GPSM1: variants seen among roughly 807,000 people sequenced by gnomAD.
GPSM1 encodes the protein G protein-signaling modulator 1.
GPSM1 carries 48 observed loss-of-function variants against 70.5 expected under a neutral mutation model. The ratio of observed to expected loss-of-function variants is 0.68; its 90% CI spans 0.54 to 0.87. GPSM1 has a LOEUF of 0.87. Ranked by LOEUF, GPSM1 falls within the 40% of genes least tolerant of loss-of-function variation. The probability of loss-of-function intolerance (pLI) is 0.00; values close to 1 mark genes in which losing one functional copy is unlikely to be tolerated. For missense variants in GPSM1, 981 were observed against 972.6 expected (o/e 1.01, Z -0.11); for synonymous variants, 416 against 430.1 (o/e 0.97, Z 0.41).
intron 11 of GPSM1, among the ~76,000 whole-genome samples, chr9:136,351,650 A>G (rs1447682652): frequency 6.6e-6 from 1 of 151,716 alleles, no homozygotes; most frequent in Non-Finnish European, 1.5e-5. Flanking sequence ...CTGGCCCAGC[A>G]CTCTGGAGGC....
At chr9:136,345,386 G>A (rs2131405591) in intron 9 of GPSM1, among the ~76,000 whole-genome samples, 3 of 152,342 alleles carry the variant, frequency 2.0e-5, no homozygotes, top group Admixed American at 2.0e-4. Flanking sequence ...CAAGGGCGCT[G>A]GACTCACACT....
chr9:136,332,601 T>A (rs540430260), intron 1 of GPSM1, among the ~76,000 whole-genome samples: 6 of 152,234 alleles, frequency 3.9e-5, no homozygotes, highest in Non-Finnish European at 8.8e-5. Flanking sequence ...TGGGCCTTAA[T>A]CAGGAAGCCC....
chr9:136,349,619 C>G lies in GPSM1; in HGVS notation c.1311C>G (p.Asp437Glu). The change falls in exon 11 of 14, where the codon GAC (aspartate) becomes GAG (glutamate). Residue 437 changes from aspartate to glutamate, a missense_variant. By Grantham distance (45) the Asp-to-Glu change is conservative. Coordinates refer to ENST00000440944, the MANE Select transcript of GPSM1 (RefSeq NM_001145638.3). ...EQNGDSHHSG[D>E]WRGPSRDSLP... ...ATGGAGACAGCCACCATTCAGGGGA[C>G]TGGCGGGGGCCCAGCAGGGACTCGC... 1 of 1,549,350 alleles carries G rather than the reference C, an allele frequency of 6.5e-7. No individual in the cohort carries two copies. Among genetic ancestry groups the G allele is most frequent in the African/African-American group, 1.4e-5 (1 of 73,172 alleles).
In GPSM1 at chr9:136,336,108, G is replaced by T. The variant is rs1554769196; in HGVS notation, c.426+7G>T. The T allele has an allele frequency of 3.1e-6, 5 of 1,609,086 alleles. No homozygotes were observed. In the Admixed American group the frequency reaches 6.7e-5, roughly 21 times the overall value. ...CCAAGAGCAGGGAGACAAGGTGGGG[G>T]CTTGGTCCGGGGCTGGGTGTCTCCC... On this transcript the variant is annotated splice_region_variant and intron_variant, in intron 3 of 13. Transcript: ENST00000440944.
At position 136,356,504 on chromosome 9, in the gene GPSM1, C is replaced by T. The variant is rs1554773207; in HGVS notation, c.1775C>T (p.Pro592Leu). Residue 592 changes from proline (P) to leucine (L), a missense_variant, in exon 13 of 14, where the codon CCC becomes CTC. By Grantham distance (98) the Pro-to-Leu change is moderately conservative. Transcript: ENST00000440944. ...GGGCACCTCCGAGGCCACGGCGAGC[C>T]CCAGGAGCCGGGGGACGACTTCTTC... is the stretch of plus-strand genomic sequence containing the variant. ...NAGHLRGHGE[P>L]QEPGDDFFNM... 2 of 1,611,914 alleles carry T rather than the reference C, an allele frequency of 1.2e-6. No individual in the cohort carries two copies. The highest frequency in any genetic ancestry group is 1.1e-5 in the South Asian group (1 of 91,044).
In GPSM1 at chr9:136,358,060, C is replaced by A. The variant is rs1349722871; in HGVS notation, c.1868C>A (p.Pro623His). The part of the protein sequence containing the change: ...DQRCPPPDVL[P>H]RGPTMPDEDF... ...CGCTGCCCGCCACCTGACGTACTGC[C>A]CCGGGGCCCTACCATGCCGGACGAG... The change falls in exon 14 of 14, where the codon CCC (proline) becomes CAC (histidine). Residue 623 changes from proline (P) to histidine (H), a missense_variant. Coordinates refer to ENST00000440944, the MANE Select transcript of GPSM1 (RefSeq NM_001145638.3). 1 of 1,612,728 alleles carries A rather than the reference C, an allele frequency of 6.2e-7. No homozygotes were observed. The highest frequency in any genetic ancestry group is 1.3e-5 in the African/African-American group (1 of 74,916).
chr9:136,335,002 C>G (rs1241200491), intron 2 of GPSM1, among the ~76,000 whole-genome samples: 1 of 152,180 alleles, frequency 6.6e-6, no homozygotes, highest in Non-Finnish European at 1.5e-5. Context: ...TGGAGGGCAG[C>G]CAGGGCTCTG....
At chr9:136,352,962 C>T in intron 11 of GPSM1, 1 of 306,910 alleles carries the variant, frequency 3.3e-6, no homozygotes, top group Non-Finnish European at 4.8e-6. Flanking sequence ...CTCAAGTGAG[C>T]AGGGGCGGGC....
intron 13 of GPSM1, 23 bp from the exon 14 acceptor site, chr9:136,357,991 C>G: frequency 6.2e-7 from 1 of 1,602,996 alleles, no homozygotes; most frequent in Non-Finnish European, 8.5e-7. Context: ...GGTGAGGCCG[C>G]CAACTGCACT....
chr9:136,357,969 TG>T, intron 13 of GPSM1, 44 bp from the exon 14 acceptor site: 1 of 1,497,744 alleles, frequency 6.7e-7, no homozygotes, highest in Non-Finnish European at 9.3e-7. Flanking sequence ...CCCGGACCAC[TG>T]GGGCTGGGGG....
chr9:136,352,092 G>A (rs979692997), intron 11 of GPSM1, among the ~76,000 whole-genome samples: 1 of 150,934 alleles, frequency 6.6e-6, no homozygotes, highest in Admixed American at 6.6e-5. Context: ...ATACTGCGCC[G>A]TTGCTGTTGG....
At position 136,332,011 on chromosome 9, in the gene GPSM1, C is replaced by G. The variant is rs549041547; in HGVS notation, c.69-2436C>G. ...AGGAGGGCCTGGGGCCTGGCGATGC[C>G]ATCCCCTGCTGGGGAGGGCCCGCCT... is the stretch of plus-strand genomic sequence containing the variant. On this transcript the variant is annotated intron_variant, in intron 1 of 13. Transcript: ENST00000440944. 1.5e-5 allele frequency: 6 copies of G among 398,608 alleles called. No individual in the cohort carries two copies. The South Asian group carries it at 7.6e-4, about 51-fold the overall frequency. 24.7% of individuals were successfully genotyped at this position (398,608 alleles called of 1,614,324 possible). A position where few individuals can be genotyped will look rare whatever the true frequency, so the allele number is the denominator to read the frequency against.
In GPSM1 at chr9:136,340,066, TC is replaced by T. The variant is rs1832349243; in HGVS notation, c.1083+252del. The stretch of plus-strand genomic sequence containing the variant: ...TCCTCCTTGGAGAGTTTGCACAGGG[TC>T]TCTGTGGGCTCCGCCCATCAGCGCC... On this transcript the variant is annotated intron_variant, in intron 8 of 13. Transcript: ENST00000440944. This position sits in a 1 kb window ranked among gnomAD's most constrained non-coding sequence, Gnocchi z 7.3. Among the ~76,000 whole-genome samples the T allele has an allele frequency of 6.7e-6, 1 of 148,294 alleles. No individual in the cohort carries two copies. The highest frequency in any genetic ancestry group is 1.5e-5 in the Non-Finnish European group (1 of 67,436).
chr9:136,327,797 G>T (rs1554768091), intron 1 of GPSM1, 34 bp downstream of exon 1: 2 of 924,672 alleles, frequency 2.2e-6, no homozygotes, highest in Non-Finnish European at 2.8e-6. Flanking sequence ...CGGGGCCGGG[G>T]CTGGGACCGG....
Position 136,338,731 on chromosome 9 carries a change from C to A in GPSM1, c.974+21C>A, listed in dbSNP as rs782510573. ...GACAGGTGCGTGGGCGCGGACGCGG[C>A]GGGCAGACCCGGCCCGGCCCACAGG... On this transcript the variant is annotated intron_variant, in intron 7 of 13. Coordinates refer to ENST00000440944, the MANE Select transcript of GPSM1 (RefSeq NM_001145638.3). 7.2e-6 allele frequency: 11 copies of A among 1,529,058 alleles called. No homozygotes were observed. In the South Asian group the frequency reaches 1.2e-4, roughly 17 times the overall value. The allele number at this position is 1,529,058 out of a possible 1,614,324, so 94.7% of individuals were successfully genotyped here. A position where few individuals can be genotyped will look rare whatever the true frequency, so the allele number is the denominator to read the frequency against.
chr9:136,346,947 G>A (rs1454789206), intron 9 of GPSM1, among the ~76,000 whole-genome samples: 2 of 152,162 alleles, frequency 1.3e-5, no homozygotes, highest in South Asian at 2.1e-4. Context: ...GGTGGGGTCC[G>A]GGTGCACCTG....
rs1247355557 is a variant in GPSM1, at chr9:136,334,368, G to A, written c.69-79G>A. 4.9e-6 allele frequency: 5 copies of A among 1,014,866 alleles called. No homozygotes were observed. In the African/African-American group the frequency reaches 7.9e-5, roughly 16 times the overall value. 62.9% of individuals were successfully genotyped at this position (1,014,866 alleles called of 1,614,324 possible). On this transcript the variant is annotated intron_variant, in intron 1 of 13. Coordinates refer to ENST00000440944, the MANE Select transcript of GPSM1 (RefSeq NM_001145638.3). ...CCTAGCCCACCCAGGGGCGTCGTCT[G>A]TAGTGAAGCCACGGAGGTGCTCCGG... is the stretch of plus-strand genomic sequence containing the variant.
At chr9:136,347,942 G>A (rs1008075387) in intron 9 of GPSM1, among the ~76,000 whole-genome samples, 5 of 152,198 alleles carry the variant, frequency 3.3e-5, no homozygotes, top group South Asian at 2.1e-4. Flanking sequence ...TGCCAGGGCC[G>A]TGTTGGGACT....
chr9:136,337,433 G>A lies in GPSM1; in HGVS notation c.579-8G>A. 1 of 1,568,396 alleles carries A rather than the reference G, an allele frequency of 6.4e-7. No homozygotes were observed. The highest frequency in any genetic ancestry group is 8.6e-7 in the Non-Finnish European group (1 of 1,156,802). On this transcript the variant is annotated splice_region_variant and splice_polypyrimidine_tract_variant and intron_variant, in intron 4 of 13. Coordinates refer to ENST00000440944, the MANE Select transcript of GPSM1 (RefSeq NM_001145638.3). Reference sequence around the variant, plus strand: ...GAGGGACACGGCTCAGAGGCACTCGGCCCCCAGGAGGAACCTGTCCCTGGT... The same window carrying A: ...GAGGGACACGGCTCAGAGGCACTCGACCCCCAGGAGGAACCTGTCCCTGGT...
Sources: gnomAD v4.1 joint callset for allele counts (sites outside exome capture counted in the v4.1 genomes callset) on GRCh38, gnomAD v4.1.1 for gene constraint, Gnocchi (gnomAD v3.1) non-coding constraint, MANE v1.5 for transcripts, NCBI Gene and HGNC (gene_info 2026-07-23, HGNC 2026-07-21) for gene names.